Variants in SORCS1 observed in about 807,000 individuals in gnomAD.
SORCS1 encodes VPS10 domain-containing receptor SorCS1.
In SORCS1, 60 loss-of-function variants were observed where a neutral mutation model predicts 146.1. The observed-to-expected ratio is 0.41, with a 90% CI of 0.33 to 0.51. The LOEUF (loss-of-function observed/expected upper bound fraction) is 0.51. Ranked by LOEUF, SORCS1 falls within the 20% of genes least tolerant of loss-of-function variation. SORCS1 has a pLI of 0.21. For missense variants in SORCS1, 1,352 were observed against 1,487.6 expected, an observed-to-expected ratio of 0.91 and a Z score of 1.50; for synonymous variants, 637 against 584.0, an observed-to-expected ratio of 1.09 and a Z score of -1.31.
At chr10:107,031,014 C>T (rs1467913005) in intron 1 of SORCS1, among the ~76,000 whole-genome samples, 1 of 152,172 alleles carries the variant, frequency 6.6e-6, no homozygotes, top group Non-Finnish European at 1.5e-5. Context: ...TTAAAAACTA[C>T]TGTTCACAGT....
chr10:106,619,801 T>G (rs1051533697), intron 20 of SORCS1, among the ~76,000 whole-genome samples: 1 of 152,214 alleles, frequency 6.6e-6, no homozygotes, highest in Admixed American at 6.5e-5. Flanking sequence ...GTGTTAGGTC[T>G]CTACTAGATT....
intron 1 of SORCS1, among the ~76,000 whole-genome samples, chr10:107,138,170 C>T (rs1967494138): frequency 6.6e-6 from 1 of 151,974 alleles, no homozygotes; most frequent in Non-Finnish European, 1.5e-5. Context: ...AAGAATGAAT[C>T]CTCTATCTCC....
intron 2 of SORCS1, among the ~76,000 whole-genome samples, chr10:106,884,384 G>T (rs1244546669): frequency 6.6e-6 from 1 of 152,002 alleles, no homozygotes; most frequent in Non-Finnish European, 1.5e-5. Flanking sequence ...TATATTCTGG[G>T]AAAGCTTTCC....
intron 1 of SORCS1, among the ~76,000 whole-genome samples, chr10:107,056,890 C>A (rs765250174): frequency 1.3e-5 from 2 of 152,174 alleles, no homozygotes; most frequent in Non-Finnish European, 2.9e-5. Context: ...ATATTTCAAA[C>A]AAGACAATTT....
At chr10:106,952,569 A>ATATTATATTATATTG (rs1326322077) in intron 2 of SORCS1, among the ~76,000 whole-genome samples, 1 of 147,854 alleles carries the variant, frequency 6.8e-6, no homozygotes, top group South Asian at 2.1e-4. Context: ...ATATTATATT[A>ATATTATATTATATTG]TATTATACTA....
intron 1 of SORCS1, among the ~76,000 whole-genome samples, chr10:107,020,515 C>T (rs1958082259): frequency 6.6e-6 from 1 of 152,184 alleles, no homozygotes; most frequent in South Asian, 2.1e-4. Flanking sequence ...CTTGATTTAG[C>T]ATTTATAGCT....
chr10:106,694,391 C>G (rs1285254603), intron 9 of SORCS1, among the ~76,000 whole-genome samples: 1 of 152,170 alleles, frequency 6.6e-6, no homozygotes, highest in Admixed American at 6.5e-5. Context: ...TCCCAAGTAG[C>G]TGGGACTTCA....
chr10:106,891,715 A>T (rs938356479), intron 2 of SORCS1, among the ~76,000 whole-genome samples: 27 of 152,154 alleles, frequency 1.8e-4, no homozygotes, highest in African/African-American at 5.3e-4. Context: ...AATTACACAG[A>T]ATAAAGATTA....
chr10:107,058,862 T>C (rs1960896405), intron 1 of SORCS1, among the ~76,000 whole-genome samples: 1 of 152,222 alleles, frequency 6.6e-6, no homozygotes, highest in African/African-American at 2.4e-5. Flanking sequence ...GGTAATACAA[T>C]TTAAAGCATT....
chr10:107,101,141 C>A (rs983838239), intron 1 of SORCS1, among the ~76,000 whole-genome samples: 5 of 152,110 alleles, frequency 3.3e-5, no homozygotes, highest in Non-Finnish European at 7.4e-5. Context: ...CTCACTGCAA[C>A]CTCCATCTCT....
chr10:106,752,328 C>T (rs10748925), intron 5 of SORCS1, among the ~76,000 whole-genome samples: 1 of 151,540 alleles, frequency 6.6e-6, no homozygotes, highest in Non-Finnish European at 1.5e-5. Flanking sequence ...CTTTCGTATA[C>T]GGCCAGAAAG....
chr10:107,169,707 T>C, the SORCS1 span, among the ~76,000 whole-genome samples: 77 of 152,316 alleles, frequency 5.1e-4, 1 homozygote, highest in African/African-American at 1.8e-3. Context: ...GGGCAGTTTT[T>C]GCCTGTATCT....
intron 1 of SORCS1, among the ~76,000 whole-genome samples, chr10:106,986,574 C>T (rs1022970125): frequency 6.6e-6 from 1 of 150,654 alleles, no homozygotes; most frequent in African/African-American, 2.5e-5. Context: ...CTTTTTTATA[C>T]CCCATCTCTC....
rs188718309 is a variant in SORCS1, at chr10:107,059,819, G to A, written c.559-103239C>T. Reference sequence around the variant, plus strand: ...CATCAAGCAGGCTTATGATCCACAAGCCAGAGAGTAGAGACCCTACTTTAT... The same window carrying A: ...CATCAAGCAGGCTTATGATCCACAAACCAGAGAGTAGAGACCCTACTTTAT... On this transcript the variant is annotated intron_variant, in intron 1 of 25. Coordinates refer to ENST00000263054, the MANE Select transcript of SORCS1 (RefSeq NM_052918.5). Among the ~76,000 whole-genome samples the A allele has an allele frequency of 1.2e-3, 181 of 151,996 alleles. 1 individual carries two copies. Among genetic ancestry groups the A allele is most frequent in the African/African-American group, 4.3e-3 (177 of 41,440 alleles).
chr10:106,918,305 T>A (rs1352680046), intron 2 of SORCS1, among the ~76,000 whole-genome samples: 1 of 151,912 alleles, frequency 6.6e-6, no homozygotes, highest in Non-Finnish European at 1.5e-5. Flanking sequence ...GGAATACAGG[T>A]GCCTGCCACC....
rs918213612 is a variant in SORCS1 at position 106,574,762 on chromosome 10, C to A, written c.*2658G>T. ...AGGTCCTAAGAACAATGAGGTCCTCCTCTCTGAGCAGCACCTTGCCTCACT... is the reference window on the plus strand; with the variant it reads ...AGGTCCTAAGAACAATGAGGTCCTCATCTCTGAGCAGCACCTTGCCTCACT... On this transcript the variant is annotated 3_prime_UTR_variant, in exon 26 of 26. Coordinates refer to ENST00000263054, the MANE Select transcript of SORCS1 (RefSeq NM_052918.5). 2.0e-5 allele frequency: 3 copies of A among 152,472 alleles called. No homozygotes were observed. In the East Asian group the frequency reaches 5.8e-4, roughly 30 times the overall value. 9.4% of individuals were successfully genotyped at this position (152,472 alleles called of 1,614,324 possible). A position where few individuals can be genotyped will look rare whatever the true frequency, so the allele number is the denominator to read the frequency against.
chr10:106,628,114 T>C (rs1173157491), intron 19 of SORCS1, among the ~76,000 whole-genome samples: 3 of 152,156 alleles, frequency 2.0e-5, no homozygotes, highest in East Asian at 1.9e-4. Context: ...ATGTGTAACT[T>C]TGTCAGACCC....
Position 106,653,314 on chromosome 10 carries a change from G to A in SORCS1, c.2304-761C>T, listed in dbSNP as rs762006216. On this transcript the variant is annotated intron_variant, in intron 17 of 25. Transcript: ENST00000263054. ...GGTTCAGCGTTATCTAGCCATTATC[G>A]TTTTATACTGTTGGGTCTGCAGCAA... 5.3e-5 allele frequency among the ~76,000 whole-genome samples: 8 copies of A among 152,222 alleles called. No individual in the cohort carries two copies. In the South Asian group the frequency reaches 1.2e-3, roughly 24 times the overall value.
rs141378677 is a variant in SORCS1 at position 106,843,429 on chromosome 10, C to CTTTTTTT, written c.627-13763_627-13757dup. Reference sequence around the variant, plus strand: ...ATGTTGCGGTAAAAGGCAGGATTTCCTTTTTTTTTTTTTTTTTTGTGATGG... The same window carrying CTTTTTTT: ...ATGTTGCGGTAAAAGGCAGGATTTCCTTTTTTTTTTTTTTTTTTTTTTTTTGTGATGG... On this transcript the variant is annotated intron_variant, in intron 2 of 25. Transcript: ENST00000263054. Among the ~76,000 whole-genome samples the CTTTTTTT allele has an allele frequency of 2.1e-4, 25 of 116,792 alleles. 2 individuals carry two copies. The highest frequency in any genetic ancestry group is 4.9e-4 in the East Asian group (2 of 4,062). The allele number at this position is 116,792 out of a possible 152,430, so 76.6% of individuals were successfully genotyped here.
Sources: allele counts gnomAD v4.1 joint callset (sites outside exome capture counted in the v4.1 genomes callset), GRCh38; gene constraint gnomAD v4.1.1; transcripts MANE v1.5; gene names NCBI Gene and HGNC (gene_info 2026-07-23, HGNC 2026-07-21).